BMP6: variants seen among roughly 807,000 people sequenced by gnomAD.
BMP6 encodes bone morphogenetic protein 6.
In BMP6, 17 loss-of-function variants were observed where a neutral mutation model predicts 54.1. The ratio of observed to expected loss-of-function variants is 0.31; its 90% CI spans 0.22 to 0.47. BMP6 has a LOEUF of 0.47. Among genes scored for constraint, BMP6 ranks in the 20% least tolerant of loss-of-function variants. The pLI is 1.00. For missense variants in BMP6, 720 were observed against 690.4 expected, an observed-to-expected ratio of 1.04 and a Z score of -0.48; for synonymous variants, 328 against 291.2, an observed-to-expected ratio of 1.13 and a Z score of -1.28.
In BMP6 at chr6:7,823,179, G is replaced by A. The variant is rs1359332306; in HGVS notation, c.665-21961G>A. ...CCCAAACATTTCCTGAGCATCTCCT[G>A]CAGATGATGATGAGGCTGACCGAAT... On this transcript the variant is annotated intron_variant, in intron 1 of 6. Coordinates refer to ENST00000283147, the MANE Select transcript of BMP6 (RefSeq NM_001718.6). 3.9e-5 allele frequency among the ~76,000 whole-genome samples: 6 copies of A among 152,122 alleles called. No homozygotes were observed. In the South Asian group the frequency reaches 6.2e-4, roughly 16 times the overall value.
chr6:7,863,067 C>G (rs967390832), intron 4 of BMP6, among the ~76,000 whole-genome samples: 1 of 152,120 alleles, frequency 6.6e-6, no homozygotes, highest in Non-Finnish European at 1.5e-5. Context: ...GGCACGGTCT[C>G]GGCTCACTGC....
Position 7,880,462 on chromosome 6 carries a change from C to G in BMP6, c.*119C>G, listed in dbSNP as rs1759699141. 7.5e-7 allele frequency: 1 copy of G among 1,333,214 alleles called. No individual in the cohort carries two copies. Among genetic ancestry groups the G allele is most frequent in the Non-Finnish European group, 1.0e-6 (1 of 961,162 alleles). The allele number at this position is 1,333,214 out of a possible 1,614,324, so 82.6% of individuals were successfully genotyped here. On this transcript the variant is annotated 3_prime_UTR_variant, in exon 7 of 7. Coordinates refer to ENST00000283147, the MANE Select transcript of BMP6 (RefSeq NM_001718.6). ...GATGAGACTTTGAAACTATCTCATG[C>G]CAGTGCCTTATTACCCAGGAAGATT...
intron 1 of BMP6, among the ~76,000 whole-genome samples, chr6:7,788,159 AG>A (rs1289283884): frequency 6.6e-6 from 1 of 152,196 alleles, no homozygotes; most frequent in African/African-American, 2.4e-5. Context: ...AATCACTGGA[AG>A]AAGATGGAGT....
At chr6:7,859,382 C>G (rs999533100) in intron 2 of BMP6, among the ~76,000 whole-genome samples, 3 of 152,124 alleles carry the variant, frequency 2.0e-5, no homozygotes, top group Non-Finnish European at 4.4e-5. Context: ...ATCTAGTCAT[C>G]AGAGGTAACT....
In BMP6 at chr6:7,726,488, A is replaced by T. The variant is rs1761725335; in HGVS notation, c.-468A>T. 6.6e-6 allele frequency among the ~76,000 whole-genome samples: 1 copy of T among 152,160 alleles called. No homozygotes were observed. The highest frequency in any genetic ancestry group is 2.4e-5 in the African/African-American group (1 of 41,448). ...CTGGGGAGGGGCGTGCGCCACGGTG[A>T]TGCCGGGCATCTCCCGCAGCTCGTG... On this transcript the variant is annotated 5_prime_UTR_variant, in exon 1 of 7. The change abolishes an upstream ATG in the 5' untranslated region. Transcript: ENST00000283147.
intron 4 of BMP6, among the ~76,000 whole-genome samples, chr6:7,864,468 G>A (rs1759387489): frequency 6.6e-6 from 1 of 152,112 alleles, no homozygotes; most frequent in African/African-American, 2.4e-5. Context: ...GGCATATGTT[G>A]GGATCCCTGG....
At chr6:7,822,473 C>A (rs1758626261) in intron 1 of BMP6, among the ~76,000 whole-genome samples, 1 of 152,186 alleles carries the variant, frequency 6.6e-6, no homozygotes, top group Admixed American at 6.5e-5. Flanking sequence ...ATGCCTGCAG[C>A]CCAGTTCCGG....
At chr6:7,869,404 A>G (rs1170266197) in intron 4 of BMP6, among the ~76,000 whole-genome samples, 1 of 152,262 alleles carries the variant, frequency 6.6e-6, no homozygotes, top group Non-Finnish European at 1.5e-5. Context: ...GGATGGAATT[A>G]ACCCAGATGT....
Position 7,803,945 on chromosome 6 carries a change from C to G in BMP6, c.665-41195C>G, listed in dbSNP as rs1363847977. On this transcript the variant is annotated intron_variant, in intron 1 of 6. Transcript: ENST00000283147. ...AATCAATATAATTGCATTTTCCCCT[C>G]TTGAAATCAGATCTCTGAGCATAGG... 2.0e-5 allele frequency among the ~76,000 whole-genome samples: 3 copies of G among 152,208 alleles called. No individual in the cohort carries two copies. The East Asian group carries it at 5.8e-4, about 29-fold the overall frequency.
At chr6:7,879,963 TTTG>T in intron 5 of BMP6, 25 bp from the exon 6 acceptor site, 3 of 1,599,676 alleles carry the variant, frequency 1.9e-6, no homozygotes, top group Non-Finnish European at 2.6e-6. Context: ...ATGCTCATCT[TTTG>T]TTGCTTCCTT....
intron 4 of BMP6, among the ~76,000 whole-genome samples, chr6:7,873,700 A>C (rs1213114126): frequency 6.6e-6 from 1 of 152,018 alleles, no homozygotes; most frequent in African/African-American, 2.4e-5. Context: ...CACCGTGTAC[A>C]ATCTAGGGCC....
rs545399075 is a variant in BMP6, at chr6:7,868,387, C to T, written c.1204+5889C>T. ...AAAACCCCAGTGTGGTCCCTGGCCT[C>T]CCGTAGTGTCGGTGACACAAGGAGC... On this transcript the variant is annotated intron_variant, in intron 4 of 6. Coordinates refer to ENST00000283147, the MANE Select transcript of BMP6 (RefSeq NM_001718.6). Among the ~76,000 whole-genome samples the T allele has an allele frequency of 7.9e-5, 12 of 152,336 alleles. No individual in the cohort carries two copies. In the South Asian group the frequency reaches 2.5e-3, roughly 32 times the overall value.
intron 4 of BMP6, among the ~76,000 whole-genome samples, chr6:7,863,522 G>A (rs1384660727): frequency 6.6e-6 from 1 of 152,150 alleles, no homozygotes; most frequent in Non-Finnish European, 1.5e-5. Context: ...GCACGACTCC[G>A]GTTGGCTTGG....
chr6:7,746,715 C>T (rs747298945), intron 1 of BMP6, among the ~76,000 whole-genome samples: 3 of 152,192 alleles, frequency 2.0e-5, no homozygotes, highest in African/African-American at 7.2e-5. Context: ...TTCCTCCTTA[C>T]AATTAAAAAC....
intron 1 of BMP6, among the ~76,000 whole-genome samples, chr6:7,816,304 C>T (rs1301731717): frequency 1.3e-5 from 2 of 152,190 alleles, no homozygotes; most frequent in Non-Finnish European, 2.9e-5. Flanking sequence ...CTTGTGGGCT[C>T]TTCGTTTAAT....
At chr6:7,735,640 G>A (rs955682275) in intron 1 of BMP6, among the ~76,000 whole-genome samples, 1 of 152,014 alleles carries the variant, frequency 6.6e-6, no homozygotes, top group Non-Finnish European at 1.5e-5. Context: ...GCAAAATTTT[G>A]CAGAGATTTC....
In BMP6 at chr6:7,861,525, C is replaced by A; in HGVS notation, c.932C>A (p.Thr311Lys). 1 of 1,614,190 alleles carries A rather than the reference C, an allele frequency of 6.2e-7. No homozygotes were observed. The change falls in exon 3 of 7, where the codon ACG (threonine) becomes AAG (lysine). Residue 311 changes from threonine to lysine, a missense_variant. Physicochemically the swap from Thr to Lys is moderately conservative, Grantham distance 78. Transcript: ENST00000283147. Reference protein sequence around the residue: ...SEEGWLEFDITATSNLWVVTP... With the variant: ...SEEGWLEFDIKATSNLWVVTP... ...GAAGGCTGGCTGGAATTTGACATCA[C>A]GGCCACTAGCAATCTGTGGGTTGTG...
Position 7,727,238 on chromosome 6 carries a change from C to G in BMP6, c.283C>G (p.Pro95Ala), listed in dbSNP as rs199518216. 9.3e-6 allele frequency: 15 copies of G among 1,606,404 alleles called. No individual in the cohort carries two copies. Among genetic ancestry groups the G allele is most frequent in the African/African-American group, 1.3e-5 (1 of 74,790 alleles). ...SVLGLPHRPRPLHGLQQPQPP... is the reference protein window; with the variant it reads ...SVLGLPHRPRALHGLQQPQPP... ...GCTGGGGCTCCCGCACCGGCCCCGGCCCCTGCACGGCCTCCAACAGCCGCA... is the reference window on the plus strand; with the variant it reads ...GCTGGGGCTCCCGCACCGGCCCCGGGCCCTGCACGGCCTCCAACAGCCGCA... The change falls in exon 1 of 7, where the codon CCC becomes GCC. Residue 95 changes from proline to alanine, a missense_variant. By Grantham distance (27) the Pro-to-Ala change is conservative. This residue lies in a region of BMP6 where 650 missense variants were observed against 556.3 expected (regional missense o/e 1.17). Coordinates refer to ENST00000283147, the MANE Select transcript of BMP6 (RefSeq NM_001718.6).
At chr6:7,867,620 G>T (rs912843672) in intron 4 of BMP6, among the ~76,000 whole-genome samples, 3 of 152,206 alleles carry the variant, frequency 2.0e-5, no homozygotes, top group Non-Finnish European at 4.4e-5. Context: ...GGAAAGTTGG[G>T]AATTGTGATT....
Sources: allele counts gnomAD v4.1 joint callset (sites outside exome capture counted in the v4.1 genomes callset), GRCh38; gene constraint gnomAD v4.1.1; regional missense constraint gnomAD v4.1.1; transcripts MANE v1.5; gene names NCBI Gene and HGNC (gene_info 2026-07-23, HGNC 2026-07-21).